The following PPP6R3 variants were observed in gnomAD, a reference collection of about 807,000 sequenced individuals.
The protein encoded by PPP6R3 is protein phosphatase 6 regulatory subunit 3, also known as serine/threonine-protein phosphatase 6 regulatory subunit 3.
A neutral mutation model predicts 110.7 loss-of-function variants in PPP6R3; 38 were observed. That is an observed-to-expected ratio of 0.34 (90% CI 0.26 to 0.45). PPP6R3 has a LOEUF of 0.45. Ranked by LOEUF, PPP6R3 falls within the 20% of genes least tolerant of loss-of-function variation. The pLI, the probability that PPP6R3 is intolerant of heterozygous loss-of-function variation, is 1.00. For synonymous variants in PPP6R3, 369 were observed against 373.5 expected, an observed-to-expected ratio of 0.99 and a Z score of 0.14; for missense variants, 870 against 1,062.4, an observed-to-expected ratio of 0.82 and a Z score of 2.52.
At chr11:68,487,441 A>G (rs1034044239) in intron 1 of PPP6R3, among the ~76,000 whole-genome samples, 3 of 152,074 alleles carry the variant, frequency 2.0e-5, no homozygotes, top group Non-Finnish European at 4.4e-5. Flanking sequence ...ATGGTGGCAC[A>G]TGCCTGTAAT....
At chr11:68,580,484 A>G (rs1288372961) in intron 14 of PPP6R3, among the ~76,000 whole-genome samples, 1 of 152,112 alleles carries the variant, frequency 6.6e-6, no homozygotes, top group African/African-American at 2.4e-5. Flanking sequence ...TGGGGAGCTG[A>G]TAACAGACTT....
intron 12 of PPP6R3, among the ~76,000 whole-genome samples, chr11:68,572,944 A>G (rs1000521313): frequency 2.9e-5 from 4 of 135,942 alleles, no homozygotes; most frequent in Non-Finnish European, 6.5e-5. Context: ...CAAGCATAGG[A>G]TGTTTTTTTT....
chr11:68,572,375 T>C (rs1252950364), intron 12 of PPP6R3, among the ~76,000 whole-genome samples: 1 of 152,204 alleles, frequency 6.6e-6, no homozygotes, highest in Non-Finnish European at 1.5e-5. Flanking sequence ...AGAACTTTCC[T>C]TGTTTCCTTG....
At chr11:68,460,924 C>CA (rs1240344153) in intron 1 of PPP6R3, 97 bp downstream of exon 1, 1 of 151,600 alleles carries the variant, frequency 6.6e-6, no homozygotes, top group Non-Finnish European at 1.5e-5. Flanking sequence ...CTCAGCGGCT[C>CA]AGGGAGGGAA....
chr11:68,568,966 G>A (rs1342878428), intron 10 of PPP6R3, among the ~76,000 whole-genome samples: 2 of 152,060 alleles, frequency 1.3e-5, no homozygotes, highest in African/African-American at 4.8e-5. Flanking sequence ...GGGTTTCACC[G>A]TGTTAGGATG....
chr11:68,578,758 C>G (rs1344725500), intron 14 of PPP6R3, among the ~76,000 whole-genome samples: 1 of 152,276 alleles, frequency 6.6e-6, no homozygotes, highest in African/African-American at 2.4e-5. Context: ...CTGAGATACT[C>G]GAAGTGCTTT....
intron 2 of PPP6R3, among the ~76,000 whole-genome samples, chr11:68,529,409 G>A (rs1592612783): frequency 6.6e-6 from 1 of 152,136 alleles, no homozygotes; most frequent in East Asian, 1.9e-4. Context: ...AGTAGAGATG[G>A]AGTTTCACCA....
chr11:68,614,672 C>T lies in PPP6R3; in HGVS notation c.*1555C>T. On this transcript the variant is annotated 3_prime_UTR_variant, in exon 24 of 24. Transcript: ENST00000393800. ...AGCACTCCCAGGACAGTGGAGTCAG[C>T]AGTAAGCCCTGGGACAGGTGGCAAG... The T allele has an allele frequency of 6.6e-7, 1 of 1,520,742 alleles. No individual in the cohort carries two copies. The highest frequency in any genetic ancestry group is 8.8e-7 in the Non-Finnish European group (1 of 1,138,966). 94.2% of individuals were successfully genotyped at this position (1,520,742 alleles called of 1,614,324 possible).
At chr11:68,470,720 C>T (rs188752148) in intron 1 of PPP6R3, among the ~76,000 whole-genome samples, 2 of 152,162 alleles carry the variant, frequency 1.3e-5, no homozygotes, top group Admixed American at 1.3e-4. Context: ...CTGCTGGATC[C>T]TTCTTGAAAA....
Position 68,614,839 on chromosome 11 carries a change from T to A in PPP6R3, c.*1722T>A, listed in dbSNP as rs1449674478. 4.9e-5 allele frequency: 60 copies of A among 1,229,744 alleles called. No homozygotes were observed. Among genetic ancestry groups the A allele is most frequent in the Non-Finnish European group, 6.6e-5 (57 of 862,086 alleles). 76.2% of individuals were successfully genotyped at this position (1,229,744 alleles called of 1,614,324 possible). ...TCCTCCTGCTTGCCTCAGGGCTGCC[T>A]GACTTGAATGGCGTTGGACCTCGGG... On this transcript the variant is annotated 3_prime_UTR_variant, in exon 24 of 24. Coordinates refer to ENST00000393800, the MANE Select transcript of PPP6R3 (RefSeq NM_001164161.2).
At chr11:68,477,552 C>G (rs897449795) in intron 1 of PPP6R3, among the ~76,000 whole-genome samples, 1 of 151,226 alleles carries the variant, frequency 6.6e-6, no homozygotes, top group Non-Finnish European at 1.5e-5. Context: ...TAGGGAGACC[C>G]CATCTCTACA....
intron 3 of PPP6R3, among the ~76,000 whole-genome samples, chr11:68,543,132 A>C (rs1192800604): frequency 6.6e-6 from 1 of 152,204 alleles, no homozygotes; most frequent in Non-Finnish European, 1.5e-5. Context: ...TCCATAAGAT[A>C]AGGACTATTG....
chr11:68,558,870 T>C (rs1192085166), intron 8 of PPP6R3, among the ~76,000 whole-genome samples, 191 bp downstream of exon 8: 2 of 152,264 alleles, frequency 1.3e-5, no homozygotes, highest in Non-Finnish European at 2.9e-5. Context: ...AATTATGTTT[T>C]GGTGACACTA....
chr11:68,584,912 TTC>T (rs1334827320), intron 15 of PPP6R3, among the ~76,000 whole-genome samples: 1 of 152,236 alleles, frequency 6.6e-6, no homozygotes, highest in Non-Finnish European at 1.5e-5. Flanking sequence ...TCCAAAGCAC[TTC>T]TTAAAATTTT....
At position 68,614,512 on chromosome 11, in the gene PPP6R3, C is replaced by A; in HGVS notation, c.*1395C>A. On this transcript the variant is annotated 3_prime_UTR_variant, in exon 24 of 24. Transcript: ENST00000393800. ...ACCAAAAGGATATTCTGAAAAATGG[C>A]CAACAATTTTTTTAGAAGTAGCATC... is the stretch of plus-strand genomic sequence containing the variant. 1 of 1,421,082 alleles carries A rather than the reference C, an allele frequency of 7.0e-7. No individual in the cohort carries two copies. The highest frequency in any genetic ancestry group is 3.5e-5 in the Admixed American group (1 of 28,532). 88.0% of individuals were successfully genotyped at this position (1,421,082 alleles called of 1,614,324 possible).
chr11:68,491,322 C>A (rs931639413), intron 1 of PPP6R3, among the ~76,000 whole-genome samples: 2 of 140,790 alleles, frequency 1.4e-5, no homozygotes, highest in Non-Finnish European at 3.1e-5. Flanking sequence ...TGTTAAGTGT[C>A]TTCAGCTGTG....
rs145518422 is a variant in PPP6R3, at chr11:68,500,974, C to T, written c.-157-18527C>T. 9.9e-5 allele frequency among the ~76,000 whole-genome samples: 15 copies of T among 152,266 alleles called. 1 individual carries two copies. The East Asian group carries it at 2.5e-3, about 25-fold the overall frequency. On this transcript the variant is annotated intron_variant, in intron 1 of 23. Coordinates refer to ENST00000393800, the MANE Select transcript of PPP6R3 (RefSeq NM_001164161.2). ...CCGCCGCCTTCCTTTTCTGTGTGTACGGGAGGCCAGTGGCAGTCTGGTCAT... is the reference window on the plus strand; with the variant it reads ...CCGCCGCCTTCCTTTTCTGTGTGTATGGGAGGCCAGTGGCAGTCTGGTCAT...
chr11:68,524,117 A>G (rs2099182311), intron 2 of PPP6R3, among the ~76,000 whole-genome samples: 1 of 152,206 alleles, frequency 6.6e-6, no homozygotes, highest in Non-Finnish European at 1.5e-5. Flanking sequence ...TTCTGTTCCT[A>G]TAGAAAATCA....
rs1305669749 is a variant in PPP6R3 at position 68,614,098 on chromosome 11, G to A, written c.*981G>A. 2.0e-6 allele frequency: 2 copies of A among 985,744 alleles called. No individual in the cohort carries two copies. Among genetic ancestry groups the A allele is most frequent in the East Asian group, 1.1e-4 (1 of 8,828 alleles). 61.1% of individuals were successfully genotyped at this position (985,744 alleles called of 1,614,324 possible). On this transcript the variant is annotated 3_prime_UTR_variant, in exon 24 of 24. Transcript: ENST00000393800. ...AGTTGAAAATGCTCGTGCTGCTAAT[G>A]GAATTAGAGTGCGTTCATTTTACAG...
Sources: gnomAD v4.1 joint callset for allele counts (sites outside exome capture counted in the v4.1 genomes callset) on GRCh38, gnomAD v4.1.1 for gene constraint, MANE v1.5 for transcripts, NCBI Gene and HGNC (gene_info 2026-07-23, HGNC 2026-07-21) for gene names.